The following CA10 variants were observed in gnomAD, a reference collection of about 807,000 sequenced individuals.
CA10 encodes the protein carbonic anhydrase 10 (inactive).
In CA10, 14 loss-of-function variants were observed where a neutral mutation model predicts 44.2. That is an observed-to-expected ratio of 0.32 (90% CI 0.21 to 0.50). The LOEUF (loss-of-function observed/expected upper bound fraction) is 0.50. Among genes scored for constraint, CA10 ranks in the 20% least tolerant of loss-of-function variants. The pLI is 0.99. For missense variants in CA10, 350 were observed against 409.7 expected (o/e 0.85, Z 1.26); for synonymous variants, 159 against 141.6 (o/e 1.12, Z -0.87).
chr17:51,688,950 T>G (rs984117553), intron 4 of CA10, among the ~76,000 whole-genome samples: 7 of 152,234 alleles, frequency 4.6e-5, no homozygotes, highest in Admixed American at 4.6e-4. Flanking sequence ...CTCATGTAAT[T>G]GTTACAATAA....
chr17:51,682,056 C>G (rs781399124), intron 4 of CA10, among the ~76,000 whole-genome samples: 4 of 152,200 alleles, frequency 2.6e-5, no homozygotes, highest in African/African-American at 9.7e-5. Flanking sequence ...ACCATGTTTT[C>G]CCCTAATGCC....
At chr17:52,099,663 G>A (rs935122838) in intron 1 of CA10, among the ~76,000 whole-genome samples, 1 of 152,192 alleles carries the variant, frequency 6.6e-6, no homozygotes, top group Non-Finnish European at 1.5e-5. Context: ...TCAATGTGCT[G>A]TCGGGCAAGA....
At chr17:52,040,101 T>C (rs1301984684) in intron 2 of CA10, among the ~76,000 whole-genome samples, 1 of 151,750 alleles carries the variant, frequency 6.6e-6, no homozygotes, top group Non-Finnish European at 1.5e-5. Context: ...AAGTAACAAA[T>C]ATTCTTTATA....
At chr17:51,858,646 A>G (rs36003471) in intron 3 of CA10, among the ~76,000 whole-genome samples, 2,605 of 152,306 alleles carry the variant, frequency 0.017, 35 homozygotes, top group Middle Eastern at 0.078. Flanking sequence ...CATTTTTATA[A>G]CTGCTAGCAC....
chr17:51,768,408 G>A (rs938281780), intron 3 of CA10, among the ~76,000 whole-genome samples: 3 of 152,114 alleles, frequency 2.0e-5, no homozygotes, highest in Admixed American at 6.5e-5. Flanking sequence ...CATTCCTGAA[G>A]TTTCTACGAT....
At chr17:52,135,193 C>T (rs889224425) in intron 1 of CA10, 42 of 334,948 alleles carry the variant, frequency 1.3e-4, no homozygotes, top group Middle Eastern at 1.0e-3. Flanking sequence ...ATCCCTCCCT[C>T]GCTAACCATG....
In CA10 at chr17:52,158,316, C is replaced by A. The variant is rs978237259; in HGVS notation, c.-530G>T. ...GCAAGTTGCCCTCGAAGTCCGCCCC[C>A]CTCACCGGGGCATGGTCGGAGGGTG... On this transcript the variant is annotated 5_prime_UTR_variant, in exon 1 of 9. Transcript: ENST00000451037. 3 of 200,052 alleles carry A rather than the reference C, an allele frequency of 1.5e-5. No homozygotes were observed. The highest frequency in any genetic ancestry group is 3.1e-5 in the Non-Finnish European group (3 of 97,644). The allele number at this position is 200,052 out of a possible 1,614,324, so 12.4% of individuals were successfully genotyped here. A position where few individuals can be genotyped will look rare whatever the true frequency, so the allele number is the denominator to read the frequency against.
At chr17:51,997,676 T>C (rs530363029) in intron 2 of CA10, among the ~76,000 whole-genome samples, 1 of 152,192 alleles carries the variant, frequency 6.6e-6, no homozygotes, top group African/African-American at 2.4e-5. Context: ...GATTCTTTCA[T>C]GAAACATGTT....
chr17:51,871,999 C>A (rs1471888730), intron 3 of CA10, among the ~76,000 whole-genome samples: 1 of 152,084 alleles, frequency 6.6e-6, no homozygotes, highest in Non-Finnish European at 1.5e-5. Context: ...GGAAAGGGTC[C>A]CAGTGTCCTG....
chr17:51,722,980 C>T (rs1026367162), intron 4 of CA10, among the ~76,000 whole-genome samples: 15 of 152,192 alleles, frequency 9.9e-5, no homozygotes, highest in African/African-American at 3.6e-4. Flanking sequence ...GGTTTACCAT[C>T]CCCCGTCCCT....
rs191492045 is a variant in CA10 at position 52,047,845 on chromosome 17, G to C, written c.136+24474C>G. Among the ~76,000 whole-genome samples the C allele has an allele frequency of 6.6e-5, 10 of 151,838 alleles. 1 individual carries two copies. In the East Asian group the frequency reaches 1.8e-3, roughly 27 times the overall value. On this transcript the variant is annotated intron_variant, in intron 2 of 8. Coordinates refer to ENST00000451037, the MANE Select transcript of CA10 (RefSeq NM_020178.5). Reference sequence around the variant, plus strand: ...AAAACTCAGAATATCTAGTTCATAAGTATTGCAAAATAACTCTTTCCAACT... The same window carrying C: ...AAAACTCAGAATATCTAGTTCATAACTATTGCAAAATAACTCTTTCCAACT...
At chr17:51,846,559 T>C (rs1339291133) in intron 3 of CA10, among the ~76,000 whole-genome samples, 1 of 152,258 alleles carries the variant, frequency 6.6e-6, no homozygotes, top group Admixed American at 6.5e-5. Context: ...CACTGAGGCA[T>C]AGTAAGAGGC....
chr17:52,145,148 A>T (rs1598238824), intron 1 of CA10, among the ~76,000 whole-genome samples: 1 of 152,210 alleles, frequency 6.6e-6, no homozygotes, highest in East Asian at 1.9e-4. Context: ...TATTTGGGTT[A>T]TTTTTCTCAT....
At chr17:51,871,050 C>CTTTTT (rs56319440) in intron 3 of CA10, among the ~76,000 whole-genome samples, 3 of 94,854 alleles carry the variant, frequency 3.2e-5, no homozygotes, top group Non-Finnish European at 6.6e-5. Flanking sequence ...TCCCACTTTA[C>CTTTTT]TTTTTTTTTT....
At position 51,690,708 on chromosome 17, in the gene CA10, G is replaced by T. The variant is rs1597987855; in HGVS notation, c.466-36972C>A. ...TTTCACCTTCTACCATGATTGTGAGGCCTTCCCAGCCATATGGAACTGTGA... is the reference window on the plus strand; with the variant it reads ...TTTCACCTTCTACCATGATTGTGAGTCCTTCCCAGCCATATGGAACTGTGA... On this transcript the variant is annotated intron_variant, in intron 4 of 8. Coordinates refer to ENST00000451037, the MANE Select transcript of CA10 (RefSeq NM_020178.5). Among the ~76,000 whole-genome samples the T allele has an allele frequency of 2.0e-5, 3 of 152,154 alleles. 1 individual carries two copies. The highest frequency in any genetic ancestry group is 7.2e-5 in the African/African-American group (3 of 41,440).
At chr17:51,893,411 G>C (rs1374254261) in intron 3 of CA10, among the ~76,000 whole-genome samples, 1 of 152,158 alleles carries the variant, frequency 6.6e-6, no homozygotes, top group Non-Finnish European at 1.5e-5. Context: ...TGTAAAATTA[G>C]TGCTTGGACT....
intron 3 of CA10, among the ~76,000 whole-genome samples, chr17:51,800,136 G>A (rs9900176): frequency 0.025 from 3,823 of 152,258 alleles, 157 homozygotes; most frequent in African/African-American, 0.086. Flanking sequence ...ATAAAATGTA[G>A]TAGACTCATA....
rs142146673 is a variant in CA10, at chr17:51,794,239, G to T, written c.280-46421C>A. Reference sequence around the variant, plus strand: ...CATTGTGAACAACAAAAATGAGCCTGTTAACAGGGCATTATGCTGCCTGCA... The same window carrying T: ...CATTGTGAACAACAAAAATGAGCCTTTTAACAGGGCATTATGCTGCCTGCA... On this transcript the variant is annotated intron_variant, in intron 3 of 8. Coordinates refer to ENST00000451037, the MANE Select transcript of CA10 (RefSeq NM_020178.5). Among the ~76,000 whole-genome samples, 386 of 152,334 alleles carry T rather than the reference G, an allele frequency of 2.5e-3. 3 individuals are homozygous for T. Among genetic ancestry groups the T allele is most frequent in the African/African-American group, 8.8e-3 (366 of 41,580 alleles).
intron 8 of CA10, among the ~76,000 whole-genome samples, chr17:51,633,196 A>G (rs1417944869): frequency 6.6e-6 from 1 of 152,174 alleles, no homozygotes; most frequent in Non-Finnish European, 1.5e-5. Flanking sequence ...TCTCACATAT[A>G]TCAAACCTCT....
Sources: allele counts gnomAD v4.1 joint callset (sites outside exome capture counted in the v4.1 genomes callset), GRCh38; gene constraint gnomAD v4.1.1; transcripts MANE v1.5; gene names NCBI Gene and HGNC (gene_info 2026-07-23, HGNC 2026-07-21).